Variants in IGSF21 observed in about 807,000 individuals in gnomAD.
The protein encoded by IGSF21 is immunoglobulin superfamily member 21.
IGSF21 carries 28 observed loss-of-function variants against 46.8 expected under a neutral mutation model. The observed-to-expected ratio is 0.60, with a 90% CI of 0.44 to 0.82. The LOEUF (loss-of-function observed/expected upper bound fraction) is 0.82. Among genes scored for constraint, IGSF21 ranks in the 40% least tolerant of loss-of-function variants. IGSF21 has a pLI of 0.00. For missense variants in IGSF21, 624 were observed against 665.5 expected (o/e 0.94, Z 0.69); for synonymous variants, 284 against 273.6 (o/e 1.04, Z -0.38).
chr1:18,134,074 C>G (rs2124419272), intron 1 of IGSF21, among the ~76,000 whole-genome samples: 1 of 152,260 alleles, frequency 6.6e-6, no homozygotes, highest in African/African-American at 2.4e-5. Flanking sequence ...TAGCTACAAA[C>G]TAGAGGAAGG....
chr1:18,376,080 A>C, intron 6 of IGSF21: 1 of 486,610 alleles, frequency 2.1e-6, no homozygotes, highest in Admixed American at 3.1e-5. Flanking sequence ...TGTCCTATAT[A>C]CACCCTTGAC....
chr1:18,225,841 G>A (rs4551567), intron 1 of IGSF21, among the ~76,000 whole-genome samples: 14,208 of 152,266 alleles, frequency 0.093, 843 homozygotes, highest in East Asian at 0.14. Flanking sequence ...CACCTCTTCC[G>A]AGAGGCTGTA....
intron 3 of IGSF21, among the ~76,000 whole-genome samples, chr1:18,308,208 AC>A (rs934892302): frequency 6.6e-6 from 1 of 152,162 alleles, no homozygotes; most frequent in Admixed American, 6.5e-5. Flanking sequence ...TGAGGAGGGA[AC>A]AGAAGAATTA....
chr1:18,297,138 T>A (rs1017125478), intron 3 of IGSF21, among the ~76,000 whole-genome samples: 11 of 151,928 alleles, frequency 7.2e-5, no homozygotes, highest in Non-Finnish European at 1.6e-4. Context: ...GGAAGCCCCA[T>A]GAGGACAGGG....
chr1:18,185,446 C>T (rs931690820), intron 1 of IGSF21, among the ~76,000 whole-genome samples: 24 of 152,188 alleles, frequency 1.6e-4, no homozygotes, highest in South Asian at 4.1e-4. Context: ...CCCAGAGTTC[C>T]GCCAGGCAGC....
At position 18,204,773 on chromosome 1, in the gene IGSF21, A is replaced by C. The variant is rs144981268; in HGVS notation, c.71-23125A>C. On this transcript the variant is annotated intron_variant, in intron 1 of 9. Transcript: ENST00000251296. Reference sequence around the variant, plus strand: ...AACATCCTGAGAATGGATCACATTCAATTCATGACCTGGTTTTAGCCCAGA... The same window carrying C: ...AACATCCTGAGAATGGATCACATTCCATTCATGACCTGGTTTTAGCCCAGA... Among the ~76,000 whole-genome samples, 553 of 152,296 alleles carry C rather than the reference A, an allele frequency of 3.6e-3. 5 individuals are homozygous for C. Among genetic ancestry groups the C allele is most frequent in the African/African-American group, 0.013 (533 of 41,560 alleles).
At chr1:18,201,794 G>C (rs567629004) in intron 1 of IGSF21, among the ~76,000 whole-genome samples, 3 of 152,202 alleles carry the variant, frequency 2.0e-5, no homozygotes, top group Non-Finnish European at 4.4e-5. Flanking sequence ...AGTCTGAGCT[G>C]TACTGATAGA....
At chr1:18,287,424 A>C (rs376914806) in intron 2 of IGSF21, among the ~76,000 whole-genome samples, 16 of 151,982 alleles carry the variant, frequency 1.1e-4, no homozygotes, top group African/African-American at 2.4e-4. Context: ...CAAAACAAAA[A>C]AAAAATCCAC....
At chr1:18,142,114 T>G (rs1350503457) in intron 1 of IGSF21, among the ~76,000 whole-genome samples, 1 of 152,192 alleles carries the variant, frequency 6.6e-6, no homozygotes, top group Non-Finnish European at 1.5e-5. Flanking sequence ...AAGCACAGTT[T>G]GGATGAAAAA....
At chr1:18,114,722 G>A (rs2086173780) in intron 1 of IGSF21, 1 of 152,220 alleles carries the variant, frequency 6.6e-6, no homozygotes, top group South Asian at 2.1e-4. Context: ...TCTTGTACCT[G>A]TTGAACAGAT....
chr1:18,225,085 T>TCTCTCTCTCTCTCTCTCA, intron 1 of IGSF21, among the ~76,000 whole-genome samples: 139 of 51,604 alleles, frequency 2.7e-3, no homozygotes, highest in East Asian at 0.012. Context: ...TCTCTCTCTC[T>TCTCTCTCTCTCTCTCTCA]CACACACACA....
chr1:18,221,177 T>C (rs981404948), intron 1 of IGSF21, among the ~76,000 whole-genome samples: 2 of 152,122 alleles, frequency 1.3e-5, no homozygotes, highest in East Asian at 3.9e-4. Context: ...GTTACCCCTA[T>C]TATCCAAATA....
At chr1:18,366,208 A>T (rs2086163426) in intron 6 of IGSF21, among the ~76,000 whole-genome samples, 2 of 152,168 alleles carry the variant, frequency 1.3e-5, no homozygotes, top group Non-Finnish European at 2.9e-5. Flanking sequence ...AATATGCTGG[A>T]TTGGTGTTAA....
chr1:18,162,148 C>T (rs956086077), intron 1 of IGSF21, among the ~76,000 whole-genome samples: 6 of 152,070 alleles, frequency 3.9e-5, no homozygotes, highest in African/African-American at 1.2e-4. Context: ...CAGGCTAGGG[C>T]GATCCTCTCA....
chr1:18,349,092 AT>A (rs1396802076), intron 4 of IGSF21, among the ~76,000 whole-genome samples: 3 of 152,316 alleles, frequency 2.0e-5, no homozygotes, highest in East Asian at 3.9e-4. Context: ...TTTAATTCTC[AT>A]AACAGCTACT....
In IGSF21 at chr1:18,376,451, C is replaced by G. The variant is rs1335505058; in HGVS notation, c.1101+56C>G. ...GGTGGGAGGTGGTAGAGGCACCGAC[C>G]CAGCACCAGCATTCCTGGCAGTCCT... On this transcript the variant is annotated intron_variant, in intron 7 of 9. Transcript: ENST00000251296. 2.5e-6 allele frequency: 3 copies of G among 1,198,072 alleles called. No individual in the cohort carries two copies. The East Asian group carries it at 7.0e-5, about 28-fold the overall frequency. The allele number at this position is 1,198,072 out of a possible 1,614,324, so 74.2% of individuals were successfully genotyped here.
In IGSF21 at chr1:18,334,195, G is replaced by T. The variant is rs565920983; in HGVS notation, c.306-697G>T. ...TCCCAACTACCTCAGAGGTGGAAGT[G>T]GCTGCTCCCCAACCTGAGCTCAGAT... is the stretch of plus-strand genomic sequence containing the variant. On this transcript the variant is annotated intron_variant, in intron 3 of 9. Coordinates refer to ENST00000251296, the MANE Select transcript of IGSF21 (RefSeq NM_032880.5). The surrounding 1 kb of genome is among the most constrained non-coding windows in gnomAD (Gnocchi z 4.3). Among the ~76,000 whole-genome samples the T allele has an allele frequency of 1.4e-4, 22 of 152,272 alleles. No individual in the cohort carries two copies. Among genetic ancestry groups the T allele is most frequent in the African/African-American group, 4.3e-4 (18 of 41,558 alleles).
In IGSF21 at chr1:18,278,283, A is replaced by C. The variant is rs1297707166; in HGVS notation, c.184-13583A>C. On this transcript the variant is annotated intron_variant, in intron 2 of 9. Coordinates refer to ENST00000251296, the MANE Select transcript of IGSF21 (RefSeq NM_032880.5). ...GAGACAGAGTCTCACTCTGTTGCCC[A>C]GGCTGGAGGGCAGTGGCGCGATCTC... 1.3e-4 allele frequency among the ~76,000 whole-genome samples: 19 copies of C among 151,776 alleles called. 1 individual carries two copies. Among genetic ancestry groups the C allele is most frequent in the Admixed American group, 1.2e-3 (19 of 15,224 alleles).
At position 18,108,169 on chromosome 1, in the gene IGSF21, T is replaced by A; in HGVS notation, c.41T>A (p.Leu14Gln). Residue 14 changes from leucine (L) to glutamine (Q), a missense_variant, in exon 1 of 10, where the codon CTG becomes CAG. Coordinates refer to ENST00000251296, the MANE Select transcript of IGSF21 (RefSeq NM_032880.5). The stretch of plus-strand genomic sequence containing the variant: ...AGCCTCCGCCGCTGCGTCTGCCTGC[T>A]GCTCGCCGCGATCCTGGACCTGGCG... ...APSLRRCVCLLLAAILDLARG... is the reference protein window; with the variant it reads ...APSLRRCVCLQLAAILDLARG... 6.9e-7 allele frequency: 1 copy of A among 1,448,666 alleles called. No individual in the cohort carries two copies. The highest frequency in any genetic ancestry group is 9.1e-7 in the Non-Finnish European group (1 of 1,104,058). The allele number at this position is 1,448,666 out of a possible 1,614,324, so 89.7% of individuals were successfully genotyped here. A position where few individuals can be genotyped will look rare whatever the true frequency, so the allele number is the denominator to read the frequency against.
Sources: gnomAD v4.1 joint callset for allele counts (sites outside exome capture counted in the v4.1 genomes callset) on GRCh38, gnomAD v4.1.1 for gene constraint, Gnocchi (gnomAD v3.1) non-coding constraint, MANE v1.5 for transcripts, NCBI Gene and HGNC (gene_info 2026-07-23, HGNC 2026-07-21) for gene names.